STX16: variants seen among roughly 807,000 people sequenced by gnomAD.
STX16 encodes the protein syntaxin-16.
Under a neutral mutation model 42.7 loss-of-function variants are expected in STX16, and 28 were observed. That is an observed-to-expected ratio of 0.66 (90% CI 0.49 to 0.90). The LOEUF (loss-of-function observed/expected upper bound fraction) is 0.90, where lower values mean the gene tolerates loss of function less well. Ranked by LOEUF, STX16 falls within the 40% of genes least tolerant of loss-of-function variation. STX16 has a pLI of 0.00. For synonymous variants in STX16, 156 were observed against 155.2 expected (o/e 1.00, Z -0.04); for missense variants, 361 against 420.9 (o/e 0.86, Z 1.24).
At chr20:58,669,628 A>G (rs2083924109) in intron 5 of STX16, among the ~76,000 whole-genome samples, 175 bp downstream of exon 5, 1 of 152,166 alleles carries the variant, frequency 6.6e-6, no homozygotes, top group Non-Finnish European at 1.5e-5. Context: ...CTGGCTTGGA[A>G]TGAAGGCACA....
chr20:58,675,655 T>C (rs1269125282), intron 8 of STX16, among the ~76,000 whole-genome samples: 2 of 152,020 alleles, frequency 1.3e-5, no homozygotes, highest in African/African-American at 4.8e-5. Context: ...GGGGCACACG[T>C]GTCTGTTTTT....
intron 2 of STX16, among the ~76,000 whole-genome samples, chr20:58,661,057 G>C (rs1291834332): frequency 6.6e-6 from 1 of 152,108 alleles, no homozygotes; most frequent in Admixed American, 6.6e-5. Flanking sequence ...CTGGGCACGG[G>C]GCCCTGGAGA....
chr20:58,674,358 T>G (rs954184106), intron 8 of STX16, among the ~76,000 whole-genome samples: 1 of 152,226 alleles, frequency 6.6e-6, no homozygotes, highest in Admixed American at 6.5e-5. Flanking sequence ...GAAACATGCA[T>G]AAACGGCTGA....
chr20:58,671,948 A>C lies in STX16; in HGVS notation c.792+651A>C, dbSNP rs1197519534. Among the ~76,000 whole-genome samples, 5 of 152,190 alleles carry C rather than the reference A, an allele frequency of 3.3e-5. No homozygotes were observed. In the East Asian group the frequency reaches 9.7e-4, roughly 29 times the overall value. ...ATGCTCCAGAATTCAAAACTTTTTG[A>C]GTGTTAACATGATGCCACAGGTGGA... On this transcript the variant is annotated intron_variant, in intron 7 of 8. Coordinates refer to ENST00000371141, the MANE Select transcript of STX16 (RefSeq NM_001001433.3).
At chr20:58,667,756 T>G (rs1837404191) in intron 3 of STX16, 159 bp downstream of exon 3, 3 of 845,740 alleles carry the variant, frequency 3.5e-6, no homozygotes, top group Non-Finnish European at 5.5e-6. Context: ...GTGTTAATGA[T>G]TTTAGCTGTA....
Position 58,652,044 on chromosome 20 carries a change from T to G in STX16, c.38T>G (p.Leu13Trp). ...TRRLTDAFLL[L>W]RNNSIQNRQL... ...CGTTTAACCGACGCTTTCTTGTTGT[T>G]GCGGAATAATTCCATCCAAAACCGG... Residue 13 changes from leucine (L) to tryptophan (W), a missense_variant, in exon 1 of 9, where the codon TTG (leucine) becomes TGG (tryptophan). Coordinates refer to ENST00000371141, the MANE Select transcript of STX16 (RefSeq NM_001001433.3). The G allele has an allele frequency of 6.2e-7, 1 of 1,614,114 alleles. No individual in the cohort carries two copies.
intron 1 of STX16, 148 bp from the exon 2 acceptor site, chr20:58,659,475 C>T: frequency 1.6e-6 from 1 of 613,444 alleles, no homozygotes; most frequent in South Asian, 4.1e-5. Context: ...TTTTAAAATG[C>T]CTTGCTTAGT....
intron 1 of STX16, among the ~76,000 whole-genome samples, chr20:58,654,714 A>G (rs554704271): frequency 1.3e-5 from 2 of 152,350 alleles, no homozygotes; most frequent in South Asian, 2.1e-4. Flanking sequence ...AATTTTGAAT[A>G]TGGACTAGGT....
In STX16 at chr20:58,669,389, G is replaced by C. The variant is rs748859200; in HGVS notation, c.492G>C (p.Ser164=). ...GGCTGCTTGGGAACGTGGTGGCCTC[G>C]CTGGCGCAGGCCCTGCAGGAACTCT... ...EGRLLGNVVA[S]LAQALQELST... Residue 164 remains serine, a synonymous_variant, in exon 5 of 9, where the codon TCG becomes TCC. Coordinates refer to ENST00000371141, the MANE Select transcript of STX16 (RefSeq NM_001001433.3). The C allele has an allele frequency of 3.1e-6, 5 of 1,611,780 alleles. No individual in the cohort carries two copies. In the East Asian group the frequency reaches 1.1e-4, roughly 36 times the overall value.
chr20:58,651,932 C>T lies in STX16; in HGVS notation c.-75C>T, dbSNP rs560227312. On this transcript the variant is annotated 5_prime_UTR_variant, in exon 1 of 9. In the 5' UTR this introduces an upstream ATG that the reference lacks. Transcript: ENST00000371141. Reference sequence around the variant, plus strand: ...GTGAAAGGGTGGGCCAGCCGGGCCACGAGAAAGAAAGTGAATAAATCAGGA... The same window carrying T: ...GTGAAAGGGTGGGCCAGCCGGGCCATGAGAAAGAAAGTGAATAAATCAGGA... 4.3e-5 allele frequency: 66 copies of T among 1,521,600 alleles called. No individual in the cohort carries two copies. The highest frequency in any genetic ancestry group is 1.6e-4 in the South Asian group (14 of 86,258). 94.3% of individuals were successfully genotyped at this position (1,521,600 alleles called of 1,614,324 possible).
At chr20:58,662,061 A>G (rs1428541990) in intron 2 of STX16, among the ~76,000 whole-genome samples, 1 of 152,144 alleles carries the variant, frequency 6.6e-6, no homozygotes, top group East Asian at 1.9e-4. Context: ...CGAGCCCACC[A>G]TTGGTTCTCT....
intron 8 of STX16, 139 bp from the exon 9 acceptor site, chr20:58,676,048 G>A (rs2084112599): frequency 1.5e-6 from 1 of 656,118 alleles, no homozygotes; most frequent in Non-Finnish European, 2.7e-6. Context: ...ATTGATTGGA[G>A]GGATTACAAT....
intron 8 of STX16, among the ~76,000 whole-genome samples, chr20:58,675,370 C>A (rs1568831651): frequency 2.0e-5 from 3 of 152,222 alleles, no homozygotes; most frequent in Non-Finnish European, 4.4e-5. Flanking sequence ...TCTCCCTGGA[C>A]GTGCCTCCCG....
chr20:58,663,640 ATT>A (rs760264867), intron 2 of STX16, among the ~76,000 whole-genome samples: 6 of 146,828 alleles, frequency 4.1e-5, no homozygotes, highest in African/African-American at 1.0e-4. Context: ...AAAAATATGG[ATT>A]TTTTTTTTTT....
chr20:58,673,762 C>G (rs1317647393), intron 8 of STX16, 51 bp downstream of exon 8: 7 of 1,351,272 alleles, frequency 5.2e-6, no homozygotes, highest in Non-Finnish European at 6.4e-6. Flanking sequence ...TTCAAATAAT[C>G]AAGAATTGGT....
intron 8 of STX16, 47 bp from the exon 9 acceptor site, chr20:58,676,140 G>A (rs771920565): frequency 1.3e-6 from 2 of 1,530,982 alleles, no homozygotes; most frequent in South Asian, 2.2e-5. Context: ...GACTTGATTT[G>A]GGATTTTGGG....
At chr20:58,669,186 G>A (rs1016783681) in intron 4 of STX16, 105 bp from the exon 5 acceptor site, 1 of 1,207,828 alleles carries the variant, frequency 8.3e-7, no homozygotes, top group Non-Finnish European at 1.2e-6. Flanking sequence ...AAACCAGACT[G>A]AGTGAACAGA....
intron 2 of STX16, among the ~76,000 whole-genome samples, chr20:58,666,728 C>T (rs752170711): frequency 5.9e-5 from 9 of 152,168 alleles, no homozygotes; most frequent in Non-Finnish European, 1.2e-4. Context: ...CGCGCCCAGC[C>T]GATTTCCCTC....
At chr20:58,669,195 G>C (rs2083909622) in intron 4 of STX16, 96 bp from the exon 5 acceptor site, 1 of 1,319,686 alleles carries the variant, frequency 7.6e-7, no homozygotes, top group Non-Finnish European at 1.0e-6. Flanking sequence ...TGAGTGAACA[G>C]AGCCTCTCAC....
Sources: allele counts gnomAD v4.1 joint callset (sites outside exome capture counted in the v4.1 genomes callset), GRCh38; gene constraint gnomAD v4.1.1; transcripts MANE v1.5; gene names NCBI Gene and HGNC (gene_info 2026-07-23, HGNC 2026-07-21).